TENT4B: variants seen among roughly 807,000 people sequenced by gnomAD.
TENT4B encodes PAP associated domain containing 5.
A neutral mutation model predicts 75.0 loss-of-function variants in TENT4B; 10 were observed. The ratio of observed to expected loss-of-function variants is 0.13; its 90% CI spans 0.08 to 0.23. The LOEUF (loss-of-function observed/expected upper bound fraction) is 0.23. TENT4B is among the 10% of genes least tolerant of loss of function. TENT4B has a pLI of 1.00. For missense variants in TENT4B, 579 were observed against 893.8 expected (o/e 0.65, Z 4.49); for synonymous variants, 350 against 357.7 (o/e 0.98, Z 0.24).
At chr16:50,171,441 G>A (rs2038204380) in intron 1 of TENT4B, among the ~76,000 whole-genome samples, 2 of 152,062 alleles carry the variant, frequency 1.3e-5, no homozygotes, top group South Asian at 4.1e-4. Context: ...AATGGAAGCT[G>A]GGAAACATGG....
chr16:50,169,750 A>AGTGG (rs2038171252), intron 1 of TENT4B, among the ~76,000 whole-genome samples: 1 of 152,174 alleles, frequency 6.6e-6, no homozygotes, highest in Non-Finnish European at 1.5e-5. Context: ...AGGAAAGTGA[A>AGTGG]GTGGGCTTGG....
chr16:50,154,292 C>T, intron 1 of TENT4B, 33 bp downstream of exon 1: 1 of 1,388,646 alleles, frequency 7.2e-7, no homozygotes, highest in Non-Finnish European at 9.3e-7. Context: ...GATGGCCTGG[C>T]CGGTGCGAAT....
intron 1 of TENT4B, among the ~76,000 whole-genome samples, chr16:50,174,020 A>G (rs758444870): frequency 6.6e-5 from 10 of 151,410 alleles, no homozygotes; most frequent in Non-Finnish European, 1.5e-4. Context: ...ATATGTGTAT[A>G]TGTTATTTGG....
intron 1 of TENT4B, among the ~76,000 whole-genome samples, chr16:50,187,439 C>T (rs772950104): frequency 6.6e-6 from 1 of 151,998 alleles, no homozygotes; most frequent in Non-Finnish European, 1.5e-5. Flanking sequence ...AAAAATTAGC[C>T]AGGCATGGTG....
At chr16:50,156,339 A>C (rs11076518) in intron 1 of TENT4B, among the ~76,000 whole-genome samples, 1 of 146,064 alleles carries the variant, frequency 6.8e-6, no homozygotes, top group East Asian at 2.0e-4. Context: ...TGATTCATGT[A>C]TTCTGATTTT....
chr16:50,207,262 A>G (rs943956621), intron 1 of TENT4B, among the ~76,000 whole-genome samples: 1 of 151,916 alleles, frequency 6.6e-6, no homozygotes, highest in African/African-American at 2.4e-5. Flanking sequence ...GCCCACTGCA[A>G]GTTTTGTCTT....
At position 50,229,138 on chromosome 16, in the gene TENT4B, T is replaced by C. The variant is rs755799432; in HGVS notation, c.1966-14T>C. On this transcript the variant is annotated splice_polypyrimidine_tract_variant and intron_variant, in intron 11 of 11. Coordinates refer to ENST00000561678, the MANE Select transcript of TENT4B (RefSeq NM_001365324.3). ...CAATACTGATGTCTTTGTGGTCGTT[T>C]TCTGTTTCTGCAGCATGGATCAGCA... 1.2e-6 allele frequency: 2 copies of C among 1,610,998 alleles called. No homozygotes were observed. The highest frequency in any genetic ancestry group is 1.3e-5 in the African/African-American group (1 of 74,704).
At chr16:50,211,592 A>G (rs1308870800) in intron 2 of TENT4B, 146 bp downstream of exon 2, 6 of 904,354 alleles carry the variant, frequency 6.6e-6, no homozygotes, top group Middle Eastern at 3.8e-4. Flanking sequence ...AAGGCAAACA[A>G]TTTTCTGCAG....
chr16:50,187,744 G>C (rs2038560287), intron 1 of TENT4B, among the ~76,000 whole-genome samples: 1 of 151,988 alleles, frequency 6.6e-6, no homozygotes, highest in African/African-American at 2.4e-5. Flanking sequence ...TGCACATAAG[G>C]CCTGGCACGG....
chr16:50,163,886 G>A (rs1038241209), intron 1 of TENT4B, among the ~76,000 whole-genome samples: 17 of 151,614 alleles, frequency 1.1e-4, no homozygotes, highest in South Asian at 4.2e-4. Flanking sequence ...CGCCGGGTGC[G>A]ATGGCTCACG....
Position 50,154,266 on chromosome 16 carries a change from G to A in TENT4B, c.638+7G>A. 7.1e-7 allele frequency: 1 copy of A among 1,407,472 alleles called. No individual in the cohort carries two copies. Among genetic ancestry groups the A allele is most frequent in the Non-Finnish European group, 9.2e-7 (1 of 1,087,558 alleles). 87.2% of individuals were successfully genotyped at this position (1,407,472 alleles called of 1,614,324 possible). A position where few individuals can be genotyped will look rare whatever the true frequency, so the allele number is the denominator to read the frequency against. Reference sequence around the variant, plus strand: ...ACAACCAGGGAGTCGTGGGGTGAGTGCTGGCTCTGCGGCCCGATGGCCTGG... The same window carrying A: ...ACAACCAGGGAGTCGTGGGGTGAGTACTGGCTCTGCGGCCCGATGGCCTGG... On this transcript the variant is annotated splice_region_variant and intron_variant, in intron 1 of 11. Coordinates refer to ENST00000561678, the MANE Select transcript of TENT4B (RefSeq NM_001365324.3).
At chr16:50,192,332 A>G (rs1020838635) in intron 1 of TENT4B, among the ~76,000 whole-genome samples, 7 of 152,164 alleles carry the variant, frequency 4.6e-5, no homozygotes, top group African/African-American at 1.7e-4. Context: ...CTTTGACATG[A>G]ACTGGGATGA....
intron 5 of TENT4B, among the ~76,000 whole-genome samples, chr16:50,219,812 G>C (rs77589523): frequency 0.045 from 6,070 of 133,434 alleles, 146 homozygotes; most frequent in Non-Finnish European, 0.067. Context: ...CCTTCCTTCT[G>C]CTTCCTTTTT....
At chr16:50,163,153 A>G (rs1386602723) in intron 1 of TENT4B, among the ~76,000 whole-genome samples, 1 of 152,188 alleles carries the variant, frequency 6.6e-6, no homozygotes, top group Non-Finnish European at 1.5e-5. Context: ...ACTGTCAGGT[A>G]TTGTACATTC....
chr16:50,219,729 C>T (rs2031737331), intron 5 of TENT4B, among the ~76,000 whole-genome samples: 1 of 142,756 alleles, frequency 7.0e-6, no homozygotes, highest in South Asian at 2.5e-4. Context: ...TTTCCCTTTT[C>T]TCTCTTTTTC....
chr16:50,214,058 A>G (rs574056292), intron 2 of TENT4B, among the ~76,000 whole-genome samples, 163 bp from the exon 3 acceptor site: 2 of 152,266 alleles, frequency 1.3e-5, no homozygotes, highest in East Asian at 3.9e-4. Flanking sequence ...GTGAAACAGA[A>G]TCCCCGCTTC....
At chr16:50,224,545 C>A in intron 7 of TENT4B, 112 bp from the exon 8 acceptor site, 1 of 1,363,150 alleles carries the variant, frequency 7.3e-7, no homozygotes, top group Non-Finnish European at 1.0e-6. Context: ...AGCTTCCAGG[C>A]ACAACTCTGG....
chr16:50,157,924 C>A (rs1314410352), intron 1 of TENT4B, among the ~76,000 whole-genome samples: 1 of 152,044 alleles, frequency 6.6e-6, no homozygotes, highest in Non-Finnish European at 1.5e-5. Flanking sequence ...TGCCACCATG[C>A]CTGGCTCATT....
chr16:50,198,208 G>C (rs1012530611), intron 1 of TENT4B, among the ~76,000 whole-genome samples: 7 of 150,806 alleles, frequency 4.6e-5, no homozygotes, highest in African/African-American at 1.7e-4. Context: ...CTTGAGCTCA[G>C]GAGTTCAAGA....
Sources: allele counts gnomAD v4.1 joint callset (sites outside exome capture counted in the v4.1 genomes callset), GRCh38; gene constraint gnomAD v4.1.1; transcripts MANE v1.5; gene names NCBI Gene and HGNC (gene_info 2026-07-23, HGNC 2026-07-21).